DZIP3: variants seen among roughly 807,000 people sequenced by gnomAD.
DZIP3 encodes the protein E3 ubiquitin-protein ligase DZIP3.
In DZIP3, 118 loss-of-function variants were observed where a neutral mutation model predicts 162.0. That is an observed-to-expected ratio of 0.73 (90% CI 0.63 to 0.85). DZIP3 has a LOEUF of 0.85. Ranked by LOEUF, DZIP3 falls within the 40% of genes least tolerant of loss-of-function variation. The probability of loss-of-function intolerance (pLI) is 0.00; values close to 1 mark genes in which losing one functional copy is unlikely to be tolerated. For synonymous variants in DZIP3, 438 were observed against 458.6 expected, an observed-to-expected ratio of 0.96 and a Z score of 0.57; for missense variants, 1,331 against 1,407.0, an observed-to-expected ratio of 0.95 and a Z score of 0.86.
intron 14 of DZIP3, among the ~76,000 whole-genome samples, chr3:108,645,092 G>T (rs548494652): frequency 6.6e-6 from 1 of 152,106 alleles, no homozygotes; most frequent in Non-Finnish European, 1.5e-5. Flanking sequence ...TAAAGGTATA[G>T]AAACATAAAA....
intron 21 of DZIP3, among the ~76,000 whole-genome samples, chr3:108,666,563 AC>A (rs1489512925): frequency 6.6e-6 from 1 of 152,136 alleles, no homozygotes; most frequent in African/African-American, 2.4e-5. Flanking sequence ...TTTATAGAAC[AC>A]CCCACCCGAC....
chr3:108,677,930 C>T (rs1944169936), intron 26 of DZIP3, among the ~76,000 whole-genome samples: 1 of 152,128 alleles, frequency 6.6e-6, no homozygotes, highest in South Asian at 2.1e-4. Context: ...ACCACTAGAT[C>T]AGAGGTCCCC....
At chr3:108,674,992 T>C (rs1944052493) in intron 24 of DZIP3, among the ~76,000 whole-genome samples, 1 of 151,950 alleles carries the variant, frequency 6.6e-6, no homozygotes, top group Non-Finnish European at 1.5e-5. Flanking sequence ...TTTTGCTTGC[T>C]AGAAGAAGAA....
chr3:108,636,703 A>C lies in DZIP3; in HGVS notation c.1006A>C (p.Ile336Leu). 1 of 1,570,376 alleles carries C rather than the reference A, an allele frequency of 6.4e-7. No homozygotes were observed. The highest frequency in any genetic ancestry group is 8.6e-7 in the Non-Finnish European group (1 of 1,165,660). ...LQCDVPGIVKILFEVVRKDEY... is the reference protein window; with the variant it reads ...LQCDVPGIVKLLFEVVRKDEY... ...ATGTGATGTACCTGGAATTGTTAAA[A>C]TTTTGGTGAGTATCTTGTTTTGTCC... The change falls in exon 11 of 33, where the codon ATT becomes CTT. Residue 336 changes from isoleucine (I) to leucine (L), a missense_variant. By Grantham distance (5) the Ile-to-Leu change is conservative. This residue lies in a region of DZIP3 where 1,278 missense variants were observed against 1,317.1 expected (regional missense o/e 0.97). Coordinates refer to ENST00000361582, the MANE Select transcript of DZIP3 (RefSeq NM_014648.4).
At chr3:108,661,742 G>A (rs1943445519) in intron 19 of DZIP3, 135 bp from the exon 20 acceptor site, 2 of 610,822 alleles carry the variant, frequency 3.3e-6, no homozygotes, top group South Asian at 2.4e-5. Context: ...GAGGGGAGGT[G>A]GGTTTATCTA....
chr3:108,625,799 A>T, intron 6 of DZIP3, 46 bp from the exon 7 acceptor site: 1 of 1,516,468 alleles, frequency 6.6e-7, no homozygotes, highest in Non-Finnish European at 8.8e-7. Context: ...TAAAAAAAAA[A>T]AAAATGACTT....
At chr3:108,658,921 C>T (rs1015301052) in intron 19 of DZIP3, among the ~76,000 whole-genome samples, 2 of 152,128 alleles carry the variant, frequency 1.3e-5, no homozygotes, top group Non-Finnish European at 2.9e-5. Flanking sequence ...GACATATACA[C>T]CCTCCCAAGA....
intron 8 of DZIP3, 74 bp from the exon 9 acceptor site, chr3:108,632,879 C>T (rs1432512595): frequency 2.2e-6 from 2 of 892,350 alleles, no homozygotes; most frequent in Non-Finnish European, 3.1e-6. Context: ...CAAGGTAAAA[C>T]ATGGGTAGTC....
chr3:108,607,343 A>G (rs753924510), intron 2 of DZIP3, among the ~76,000 whole-genome samples: 24 of 152,358 alleles, frequency 1.6e-4, no homozygotes, highest in Middle Eastern at 3.4e-3. Context: ...GAGAATATTT[A>G]TAAAGTACAA....
At position 108,632,428 on chromosome 3, in the gene DZIP3, G is replaced by A. The variant is rs374308730; in HGVS notation, c.697-525G>A. On this transcript the variant is annotated intron_variant, in intron 8 of 32. Coordinates refer to ENST00000361582, the MANE Select transcript of DZIP3 (RefSeq NM_014648.4). The stretch of plus-strand genomic sequence containing the variant: ...CCATTTAATCAGTATTTTAAAATGA[G>A]AAATTATATTCTGATTTGTAACTAA... Among the ~76,000 whole-genome samples the A allele has an allele frequency of 3.9e-5, 6 of 152,040 alleles. No individual in the cohort carries two copies. In the East Asian group the frequency reaches 5.8e-4, roughly 15 times the overall value.
chr3:108,656,653 T>G (rs1158191382), intron 19 of DZIP3, among the ~76,000 whole-genome samples: 1 of 152,144 alleles, frequency 6.6e-6, no homozygotes, highest in African/African-American at 2.4e-5. Flanking sequence ...AGAATGACTT[T>G]GACGAGTTGA....
Position 108,693,840 on chromosome 3 carries a change from G to A in DZIP3, c.*487G>A, listed in dbSNP as rs966425330. ...GTAATTTCAGTTTTTGTGTCGGGGAGAGGGAAAAACTATTTGTCTGTAGTT... is the reference window on the plus strand; with the variant it reads ...GTAATTTCAGTTTTTGTGTCGGGGAAAGGGAAAAACTATTTGTCTGTAGTT... On this transcript the variant is annotated 3_prime_UTR_variant, in exon 33 of 33. Transcript: ENST00000361582. 4.6e-5 allele frequency: 7 copies of A among 152,104 alleles called. No individual in the cohort carries two copies. The highest frequency in any genetic ancestry group is 1.5e-5 in the Non-Finnish European group (1 of 68,024). The allele number at this position is 152,104 out of a possible 1,614,324, so 9.4% of individuals were successfully genotyped here.
chr3:108,660,928 C>T (rs1307672251), intron 19 of DZIP3, among the ~76,000 whole-genome samples: 3 of 152,178 alleles, frequency 2.0e-5, no homozygotes, highest in Non-Finnish European at 4.4e-5. Context: ...ATCAAAACCA[C>T]AATGAGATAC....
At chr3:108,616,250 C>T (rs1576363016) in intron 4 of DZIP3, among the ~76,000 whole-genome samples, 2 of 148,086 alleles carry the variant, frequency 1.4e-5, no homozygotes, top group Middle Eastern at 3.5e-3. Flanking sequence ...GGCGACAGAG[C>T]GAGACTCCAT....
chr3:108,598,408 A>G (rs1370106361), intron 1 of DZIP3, among the ~76,000 whole-genome samples: 2 of 152,238 alleles, frequency 1.3e-5, no homozygotes, highest in African/African-American at 2.4e-5. Context: ...AGCGTGGCAC[A>G]TAGGAGCTGA....
At chr3:108,666,753 T>C (rs935128878) in intron 21 of DZIP3, among the ~76,000 whole-genome samples, 3 of 151,770 alleles carry the variant, frequency 2.0e-5, no homozygotes, top group African/African-American at 7.3e-5. Flanking sequence ...CCAAGAAACC[T>C]CCAAAGGCCT....
At chr3:108,663,382 C>A (rs1943529823) in intron 21 of DZIP3, among the ~76,000 whole-genome samples, 2 of 151,890 alleles carry the variant, frequency 1.3e-5, no homozygotes, top group South Asian at 4.2e-4. Flanking sequence ...CATGGAAAAA[C>A]CCCATCTCTA....
chr3:108,692,926 A>G (rs1163012948), intron 32 of DZIP3, among the ~76,000 whole-genome samples: 1 of 149,410 alleles, frequency 6.7e-6, no homozygotes, highest in Non-Finnish European at 1.5e-5. Context: ...AATACCTAAT[A>G]TATTATTTAA....
chr3:108,594,296 A>G (rs1046181108), intron 1 of DZIP3, among the ~76,000 whole-genome samples: 3 of 151,898 alleles, frequency 2.0e-5, no homozygotes, highest in African/African-American at 4.8e-5. Flanking sequence ...ATCCGTATAC[A>G]TTCATCTTTT....
Sources: gnomAD v4.1 joint callset for allele counts (sites outside exome capture counted in the v4.1 genomes callset) on GRCh38, gnomAD v4.1.1 for gene constraint, gnomAD v4.1.1 regional missense constraint, MANE v1.5 for transcripts, NCBI Gene and HGNC (gene_info 2026-07-23, HGNC 2026-07-21) for gene names.